PPP3CA: variants seen among roughly 807,000 people sequenced by gnomAD.
PPP3CA encodes protein phosphatase 3 catalytic subunit alpha, also known as CAM-PRP catalytic subunit.
PPP3CA carries 14 observed loss-of-function variants against 66.5 expected under a neutral mutation model. That is an observed-to-expected ratio of 0.21 (90% CI 0.14 to 0.33). The LOEUF is 0.33. Ranked by LOEUF, PPP3CA falls within the 10% of genes least tolerant of loss-of-function variation. The pLI, the probability that PPP3CA is intolerant of heterozygous loss-of-function variation, is 1.00. For synonymous variants in PPP3CA, 232 were observed against 226.2 expected, an observed-to-expected ratio of 1.03 and a Z score of -0.23; for missense variants, 317 against 639.5, an observed-to-expected ratio of 0.50 and a Z score of 5.44.
chr4:101,346,786 G>C lies in PPP3CA; in HGVS notation c.11C>G (p.Pro4Arg). Residue 4 changes from proline to arginine, a missense_variant, in exon 1 of 14, where the codon CCC (proline) becomes CGC (arginine). Coordinates refer to ENST00000394854, the MANE Select transcript of PPP3CA (RefSeq NM_000944.5). ...CGACAACTTGGGATCAATTGCCTTG[G>C]GCTCGGACATCTCCAGCTGCCGGAG... MSE[P>R]KAIDPKLSTT... 1.2e-6 allele frequency: 2 copies of C among 1,611,380 alleles called. No individual in the cohort carries two copies. Among genetic ancestry groups the C allele is most frequent in the Non-Finnish European group, 1.7e-6 (2 of 1,179,138 alleles).
At chr4:101,072,761 C>A (rs1728971093) in intron 8 of PPP3CA, among the ~76,000 whole-genome samples, 2 of 150,890 alleles carry the variant, frequency 1.3e-5, no homozygotes, top group African/African-American at 2.4e-5. Flanking sequence ...ATAGTGAAAC[C>A]CCGTCTCTAC....
At chr4:101,275,517 G>A (rs753140459) in intron 1 of PPP3CA, among the ~76,000 whole-genome samples, 9 of 152,092 alleles carry the variant, frequency 5.9e-5, no homozygotes, top group East Asian at 1.9e-4. Context: ...TACTACTACC[G>A]AGCAGAAATC....
chr4:101,269,029 C>G (rs1727252526), intron 1 of PPP3CA, among the ~76,000 whole-genome samples: 1 of 152,042 alleles, frequency 6.6e-6, no homozygotes, highest in East Asian at 1.9e-4. Context: ...TCTAATTGTA[C>G]CAACTTAGTC....
At chr4:101,134,110 G>C (rs1218315783) in intron 2 of PPP3CA, among the ~76,000 whole-genome samples, 1 of 152,168 alleles carries the variant, frequency 6.6e-6, no homozygotes, top group Non-Finnish European at 1.5e-5. Flanking sequence ...ATGGATTAAA[G>C]ATTTAAATGT....
intron 6 of PPP3CA, among the ~76,000 whole-genome samples, chr4:101,091,936 ATCT>A (rs1310512199): frequency 5.3e-5 from 8 of 151,504 alleles, no homozygotes; most frequent in Admixed American, 1.3e-4. Flanking sequence ...AAAAATTCTC[ATCT>A]TCTTCATAAC....
chr4:101,190,024 A>T (rs1326672251), intron 2 of PPP3CA, among the ~76,000 whole-genome samples: 1 of 152,118 alleles, frequency 6.6e-6, no homozygotes, highest in African/African-American at 2.4e-5. Flanking sequence ...ATAAGATTGG[A>T]AACATGAGTA....
chr4:101,255,658 T>G (rs1053845422), intron 1 of PPP3CA, among the ~76,000 whole-genome samples: 3 of 151,930 alleles, frequency 2.0e-5, no homozygotes, highest in African/African-American at 7.2e-5. Flanking sequence ...ATAAAAGTAG[T>G]CTATTATTTT....
intron 1 of PPP3CA, among the ~76,000 whole-genome samples, chr4:101,228,671 C>T (rs1318092503): frequency 2.0e-5 from 3 of 151,564 alleles, no homozygotes; most frequent in Non-Finnish European, 3.0e-5. Flanking sequence ...GAGGCATGTA[C>T]TGCAATTCAC....
At chr4:101,193,771 C>T (rs895960351) in intron 2 of PPP3CA, among the ~76,000 whole-genome samples, 1 of 144,230 alleles carries the variant, frequency 6.9e-6, no homozygotes, top group Non-Finnish European at 1.5e-5. Flanking sequence ...AAGAGAAAGT[C>T]TTTGTTCATT....
chr4:101,343,789 T>C (rs967852277), intron 1 of PPP3CA, among the ~76,000 whole-genome samples: 9 of 152,182 alleles, frequency 5.9e-5, no homozygotes, highest in African/African-American at 2.2e-4. Flanking sequence ...ACCTCAAAAA[T>C]AACATAGTTG....
intron 2 of PPP3CA, among the ~76,000 whole-genome samples, chr4:101,136,148 T>C (rs182920072): frequency 6.6e-6 from 1 of 152,322 alleles, no homozygotes; most frequent in East Asian, 1.9e-4. Context: ...ACTTTATAAG[T>C]GAAACATTGA....
chr4:101,037,342 C>G (rs1295777101), intron 11 of PPP3CA, among the ~76,000 whole-genome samples: 1 of 152,192 alleles, frequency 6.6e-6, no homozygotes, highest in African/African-American at 2.4e-5. Context: ...AGGCAACAGA[C>G]TTGTATTTTA....
intron 1 of PPP3CA, among the ~76,000 whole-genome samples, chr4:101,249,465 A>G (rs1726602835): frequency 6.6e-6 from 1 of 152,154 alleles, no homozygotes; most frequent in Non-Finnish European, 1.5e-5. Flanking sequence ...ACCCATTGCA[A>G]AAGGAAAGAC....
At chr4:101,336,125 G>T (rs1007014629) in intron 1 of PPP3CA, among the ~76,000 whole-genome samples, 4 of 151,862 alleles carry the variant, frequency 2.6e-5, no homozygotes, top group Admixed American at 1.3e-4. Flanking sequence ...TGAGGTGGAA[G>T]AATGGCTTGA....
chr4:101,080,897 A>G (rs1430804412), intron 7 of PPP3CA, among the ~76,000 whole-genome samples: 1 of 152,188 alleles, frequency 6.6e-6, no homozygotes, highest in Non-Finnish European at 1.5e-5. Context: ...GGTGGAATTC[A>G]TTGGAAAATC....
At chr4:101,107,360 A>T (rs1730798467) in intron 3 of PPP3CA, among the ~76,000 whole-genome samples, 1 of 152,200 alleles carries the variant, frequency 6.6e-6, no homozygotes, top group Non-Finnish European at 1.5e-5. Flanking sequence ...CTGTTTTGCA[A>T]CGTAGATTTA....
chr4:101,031,080 C>CAA (rs1227475978), intron 12 of PPP3CA, among the ~76,000 whole-genome samples: 386 of 64,128 alleles, frequency 6.0e-3, no homozygotes, highest in Non-Finnish European at 1.0e-2. Context: ...TGTAAAAACT[C>CAA]AAAAGACACT....
chr4:101,189,161 G>T (rs552650767), intron 2 of PPP3CA, among the ~76,000 whole-genome samples: 180 of 152,054 alleles, frequency 1.2e-3, no homozygotes, highest in African/African-American at 4.1e-3. Flanking sequence ...AAAGATAACT[G>T]CTATGTAAAT....
chr4:101,252,320 T>C (rs1279434332), intron 1 of PPP3CA, among the ~76,000 whole-genome samples: 1 of 152,206 alleles, frequency 6.6e-6, no homozygotes, highest in South Asian at 2.1e-4. Context: ...TTGGTTTGTC[T>C]GACATATGAC....
Sources: allele counts gnomAD v4.1 joint callset (sites outside exome capture counted in the v4.1 genomes callset), GRCh38; gene constraint gnomAD v4.1.1; transcripts MANE v1.5; gene names NCBI Gene and HGNC (gene_info 2026-07-23, HGNC 2026-07-21).